ELOVL5: variants seen among roughly 807,000 people sequenced by gnomAD.
ELOVL5 encodes the protein very long chain fatty acid elongase 5.
A neutral mutation model predicts 38.6 loss-of-function variants in ELOVL5; 8 were observed. That is an observed-to-expected ratio of 0.21 (90% CI 0.12 to 0.37). The LOEUF (loss-of-function observed/expected upper bound fraction) is 0.37, where lower values mean the gene tolerates loss of function less well. Among genes scored for constraint, ELOVL5 ranks in the 10% least tolerant of loss-of-function variants. ELOVL5 has a pLI of 1.00. For missense variants in ELOVL5, 280 were observed against 367.8 expected (o/e 0.76, Z 1.95); for synonymous variants, 127 against 133.7 (o/e 0.95, Z 0.34).
rs1765829459 is a variant in ELOVL5 at position 53,269,052 on chromosome 6, A to G, written c.*75T>C. On this transcript the variant is annotated 3_prime_UTR_variant, in exon 8 of 8. Coordinates refer to ENST00000304434, the MANE Select transcript of ELOVL5 (RefSeq NM_021814.5). ...GGCCAGACTAGTTACAGCAGCTGTT[A>G]ACGAGCATTGGGGCACAACTCATAT... is the stretch of plus-strand genomic sequence containing the variant. The G allele has an allele frequency of 1.3e-6, 2 of 1,540,028 alleles. No homozygotes were observed. The highest frequency in any genetic ancestry group is 2.4e-5 in the South Asian group (2 of 81,726).
chr6:53,272,152 T>C (rs1280560379), intron 6 of ELOVL5, among the ~76,000 whole-genome samples: 2 of 152,202 alleles, frequency 1.3e-5, no homozygotes, highest in Non-Finnish European at 2.9e-5. Flanking sequence ...AAAATCATAA[T>C]TGACTTGAAG....
chr6:53,273,938 C>T (rs1766015693), intron 5 of ELOVL5, among the ~76,000 whole-genome samples: 1 of 152,202 alleles, frequency 6.6e-6, no homozygotes, highest in South Asian at 2.1e-4. Context: ...TTTTTCCAGA[C>T]TCTGTCCTCC....
chr6:53,340,734 T>C (rs1303510696), intron 1 of ELOVL5, among the ~76,000 whole-genome samples: 1 of 152,216 alleles, frequency 6.6e-6, no homozygotes, highest in African/African-American at 2.4e-5. Context: ...TCTAGGTTTG[T>C]CTAAGTACAC....
chr6:53,312,453 T>C (rs917078984), intron 1 of ELOVL5, among the ~76,000 whole-genome samples: 3 of 152,178 alleles, frequency 2.0e-5, no homozygotes, highest in Admixed American at 2.0e-4. Flanking sequence ...TATAAAACAC[T>C]TTTGAAATGA....
intron 1 of ELOVL5, among the ~76,000 whole-genome samples, chr6:53,328,236 TG>T (rs1768634598): frequency 6.6e-6 from 1 of 152,212 alleles, no homozygotes. Context: ...GTTTCTTAGT[TG>T]TATTAACCAC....
chr6:53,317,557 C>T (rs1409276589), intron 1 of ELOVL5, among the ~76,000 whole-genome samples: 1 of 151,986 alleles, frequency 6.6e-6, no homozygotes, highest in Non-Finnish European at 1.5e-5. Context: ...AAAAACCAAA[C>T]ACTGCATGTT....
intron 3 of ELOVL5, among the ~76,000 whole-genome samples, chr6:53,290,706 T>G (rs927988450): frequency 6.6e-6 from 1 of 152,010 alleles, no homozygotes; most frequent in Non-Finnish European, 1.5e-5. Context: ...CTGCAACACC[T>G]CTGATAATCA....
chr6:53,286,247 A>T (rs1288100641), intron 3 of ELOVL5, among the ~76,000 whole-genome samples: 1 of 152,210 alleles, frequency 6.6e-6, no homozygotes, highest in East Asian at 1.9e-4. Context: ...TTCTTGGCAC[A>T]CTGTTAATTG....
At chr6:53,296,428 T>C (rs557210973) in intron 1 of ELOVL5, among the ~76,000 whole-genome samples, 5 of 152,268 alleles carry the variant, frequency 3.3e-5, no homozygotes, top group Admixed American at 6.5e-5. Context: ...AAAATAATAA[T>C]TGATCATAGT....
chr6:53,299,341 C>G (rs1767151562), intron 1 of ELOVL5, among the ~76,000 whole-genome samples: 1 of 152,018 alleles, frequency 6.6e-6, no homozygotes, highest in African/African-American at 2.4e-5. Context: ...GGGTCAGTTT[C>G]TATGTAATGA....
chr6:53,329,924 G>A (rs1175369225), intron 1 of ELOVL5, among the ~76,000 whole-genome samples: 4 of 152,174 alleles, frequency 2.6e-5, no homozygotes, highest in Admixed American at 2.6e-4. Flanking sequence ...TTCCTCTTCT[G>A]TACGATTTTA....
chr6:53,345,864 T>C (rs907454756), intron 1 of ELOVL5, among the ~76,000 whole-genome samples: 1 of 152,178 alleles, frequency 6.6e-6, no homozygotes, highest in African/African-American at 2.4e-5. Context: ...ACAAGTCACT[T>C]GTCATCTCTA....
chr6:53,297,868 A>T (rs1170430291), intron 1 of ELOVL5, among the ~76,000 whole-genome samples: 1 of 152,162 alleles, frequency 6.6e-6, no homozygotes, highest in African/African-American at 2.4e-5. Context: ...CCACTTCAGG[A>T]GAGACAAGAA....
At chr6:53,310,205 T>C (rs1301603772) in intron 1 of ELOVL5, among the ~76,000 whole-genome samples, 6 of 152,216 alleles carry the variant, frequency 3.9e-5, no homozygotes, top group Non-Finnish European at 7.3e-5. Context: ...AAAAGGCTTA[T>C]TATCTAAAGT....
Position 53,269,055 on chromosome 6 carries a change from G to C in ELOVL5, c.*72C>G. The C allele has an allele frequency of 1.3e-6, 2 of 1,542,506 alleles. No homozygotes were observed. Among genetic ancestry groups the C allele is most frequent in the Non-Finnish European group, 8.8e-7 (1 of 1,136,444 alleles). ...CAGACTAGTTACAGCAGCTGTTAAC[G>C]AGCATTGGGGCACAACTCATATTGT... On this transcript the variant is annotated 3_prime_UTR_variant, in exon 8 of 8. Transcript: ENST00000304434.
intron 4 of ELOVL5, 31 bp from the exon 5 acceptor site, chr6:53,275,292 T>C (rs2127567367): frequency 6.2e-7 from 1 of 1,605,464 alleles, no homozygotes; most frequent in Non-Finnish European, 8.5e-7. Flanking sequence ...ATTTAAGGCT[T>C]ATCCTCACGG....
intron 1 of ELOVL5, among the ~76,000 whole-genome samples, chr6:53,338,757 C>T (rs1769191796): frequency 6.6e-6 from 1 of 152,218 alleles, no homozygotes; most frequent in Non-Finnish European, 1.5e-5. Flanking sequence ...CTACAGGCAA[C>T]TGCTGATGGT....
In ELOVL5 at chr6:53,275,181, G is replaced by C. The variant is rs1766065021; in HGVS notation, c.405C>G (p.Asn135Lys). The change falls in exon 5 of 8, where the codon AAC (asparagine) becomes AAG (lysine). Residue 135 changes from asparagine (N) to lysine (K), a missense_variant. Physicochemically the swap from Asn to Lys is moderately conservative, Grantham distance 94. Transcript: ENST00000304434. ...CGTGCAGGACCGTGATCTGGTGGTT[G>C]TTCTTGCGCAGGATGAAGAAGAAAG... Reference protein sequence around the residue: ...MDTFFFILRKNNHQITVLHVY... With the variant: ...MDTFFFILRKKNHQITVLHVY... The C allele has an allele frequency of 1.2e-6, 2 of 1,614,068 alleles. No individual in the cohort carries two copies. The highest frequency in any genetic ancestry group is 1.7e-6 in the Non-Finnish European group (2 of 1,180,030).
intron 1 of ELOVL5, among the ~76,000 whole-genome samples, chr6:53,325,188 A>G (rs1009110326): frequency 3.9e-5 from 6 of 152,292 alleles, no homozygotes; most frequent in Admixed American, 3.9e-4. Context: ...CATGTTTCAC[A>G]CTCAATTTAC....
Sources: gnomAD v4.1 joint callset for allele counts (sites outside exome capture counted in the v4.1 genomes callset) on GRCh38, gnomAD v4.1.1 for gene constraint, MANE v1.5 for transcripts, NCBI Gene and HGNC (gene_info 2026-07-23, HGNC 2026-07-21) for gene names.